The following TMC2 variants were observed in gnomAD, a reference collection of about 807,000 sequenced individuals.
TMC2 encodes the protein transmembrane channel-like protein 2.
Under a neutral mutation model 105.9 loss-of-function variants are expected in TMC2, and 102 were observed. That is an observed-to-expected ratio of 0.96 (90% CI 0.82 to 1.14). The LOEUF (loss-of-function observed/expected upper bound fraction) is 1.14, where lower values mean the gene tolerates loss of function less well. Ranked by LOEUF, TMC2 falls within the 50% of genes most tolerant of loss-of-function variation. The probability of loss-of-function intolerance (pLI) is 0.00; values close to 1 mark genes in which losing one functional copy is unlikely to be tolerated. For missense variants in TMC2, 1,093 were observed against 1,134.3 expected (o/e 0.96, Z 0.52); for synonymous variants, 402 against 422.8 (o/e 0.95, Z 0.60).
chr20:2,641,001 G>A (rs1600147160), intron 19 of TMC2, 133 bp from the exon 20 acceptor site: 1 of 741,648 alleles, frequency 1.3e-6, no homozygotes, highest in East Asian at 2.5e-5. Flanking sequence ...AGACAGCTGA[G>A]TGCAATCCGA....
At chr20:2,563,690 T>C (rs149283668) in intron 4 of TMC2, among the ~76,000 whole-genome samples, 369 of 152,304 alleles carry the variant, frequency 2.4e-3, no homozygotes, top group Middle Eastern at 0.01. Flanking sequence ...CAATTCATAA[T>C]GTATGCATAT....
chr20:2,554,342 T>A (rs1294342191), intron 2 of TMC2, among the ~76,000 whole-genome samples: 2 of 152,222 alleles, frequency 1.3e-5, no homozygotes, highest in Non-Finnish European at 2.9e-5. Flanking sequence ...CCTTTGTTCT[T>A]GGTTAGCCTG....
chr20:2,634,155 A>C (rs1454106996), intron 17 of TMC2, among the ~76,000 whole-genome samples: 1 of 152,170 alleles, frequency 6.6e-6, no homozygotes, highest in South Asian at 2.1e-4. Flanking sequence ...CTTCAGCTAC[A>C]GGATAGTCTG....
chr20:2,572,160 T>A lies in TMC2; in HGVS notation c.555-19T>A, dbSNP rs558478193. 7,575 of 1,299,506 alleles carry A rather than the reference T, an allele frequency of 5.8e-3. 1 individual carries two copies. The highest frequency in any genetic ancestry group is 8.2e-3 in the Admixed American group (385 of 47,114). 80.5% of individuals were successfully genotyped at this position (1,299,506 alleles called of 1,614,324 possible). ...TAGGTGCTAACTGAAATCCTGCTTT[T>A]TTTTTTTTTTCTAAGCAGGGAGGCC... is the stretch of plus-strand genomic sequence containing the variant. On this transcript the variant is annotated intron_variant, in intron 4 of 19. Transcript: ENST00000358864.
chr20:2,600,986 G>GAAAAAAAAAAAAAAAAA (rs55710696), intron 10 of TMC2, among the ~76,000 whole-genome samples: 2 of 90,560 alleles, frequency 2.2e-5, no homozygotes, highest in African/African-American at 4.3e-5. Context: ...GACTGTCTCA[G>GAAAAAAAAAAAAAAAAA]AAAAAAAAAA....
chr20:2,542,493 G>C (rs2085896243), intron 2 of TMC2, among the ~76,000 whole-genome samples: 1 of 152,116 alleles, frequency 6.6e-6, no homozygotes, highest in Non-Finnish European at 1.5e-5. Flanking sequence ...CCTGCTTTTA[G>C]TCCAAAAGGG....
At chr20:2,567,367 G>A (rs1435848573) in intron 4 of TMC2, among the ~76,000 whole-genome samples, 1 of 152,126 alleles carries the variant, frequency 6.6e-6, no homozygotes, top group Non-Finnish European at 1.5e-5. Context: ...TGTCAGAGGA[G>A]GCCTGGTAAA....
chr20:2,551,899 G>A (rs2085958803), intron 2 of TMC2, among the ~76,000 whole-genome samples: 1 of 152,188 alleles, frequency 6.6e-6, no homozygotes, highest in Admixed American at 6.5e-5. Context: ...TGTGTATGAA[G>A]TAGAGCTTTA....
chr20:2,549,849 T>C (rs1340605724), intron 2 of TMC2, among the ~76,000 whole-genome samples: 2 of 152,164 alleles, frequency 1.3e-5, no homozygotes, highest in Non-Finnish European at 2.9e-5. Flanking sequence ...GACTTCATTT[T>C]TTAGAGCAGT....
chr20:2,556,070 A>G (rs549757632), intron 2 of TMC2, among the ~76,000 whole-genome samples: 1 of 150,698 alleles, frequency 6.6e-6, no homozygotes, highest in Non-Finnish European at 1.5e-5. Context: ...TTTAAAAAGA[A>G]GGATTTTATT....
At chr20:2,589,236 G>C (rs944010551) in intron 7 of TMC2, among the ~76,000 whole-genome samples, 1 of 144,382 alleles carries the variant, frequency 6.9e-6, no homozygotes, top group African/African-American at 2.6e-5. Context: ...TCAACTAAAA[G>C]CTTGGGCTTT....
chr20:2,608,133 A>AAG (rs1364060394), intron 11 of TMC2, among the ~76,000 whole-genome samples: 4 of 147,680 alleles, frequency 2.7e-5, no homozygotes, highest in African/African-American at 1.0e-4. Flanking sequence ...AAAAAAAAAA[A>AAG]AAAGAAAAAA....
chr20:2,566,660 T>C (rs1250350386), intron 4 of TMC2, among the ~76,000 whole-genome samples: 1 of 152,172 alleles, frequency 6.6e-6, no homozygotes, highest in Non-Finnish European at 1.5e-5. Context: ...ATGAAAACCC[T>C]GAATGCCATA....
chr20:2,578,486 G>A (rs2086163393), intron 5 of TMC2, among the ~76,000 whole-genome samples: 1 of 152,208 alleles, frequency 6.6e-6, no homozygotes, highest in African/African-American at 2.4e-5. Flanking sequence ...CCCTTGGAGA[G>A]TTGACAAAAC....
At chr20:2,537,974 G>A (rs1312772189) in intron 2 of TMC2, among the ~76,000 whole-genome samples, 6 of 152,084 alleles carry the variant, frequency 3.9e-5, no homozygotes, top group African/African-American at 7.2e-5. Context: ...CCCCACACTA[G>A]TAGGCAAGAA....
In TMC2 at chr20:2,602,825, C is replaced by T. The variant is rs545287719; in HGVS notation, c.1413+524C>T. On this transcript the variant is annotated intron_variant, in intron 11 of 19. Coordinates refer to ENST00000358864, the MANE Select transcript of TMC2 (RefSeq NM_080751.3). ...CTTTCGGGAATTTGACATCTGTGGT[C>T]GTTTGTGAAAATGGCTACAAATTCT... is the stretch of plus-strand genomic sequence containing the variant. Among the ~76,000 whole-genome samples, 3 of 152,322 alleles carry T rather than the reference C, an allele frequency of 2.0e-5. No homozygotes were observed. In the South Asian group the frequency reaches 6.2e-4, roughly 32 times the overall value.
At position 2,637,706 on chromosome 20, in the gene TMC2, T is replaced by C. The variant is rs866603718; in HGVS notation, c.2503+115T>C. 9 of 730,152 alleles carry C rather than the reference T, an allele frequency of 1.2e-5. No homozygotes were observed. The Middle Eastern group carries it at 7.4e-4, about 60-fold the overall frequency. The allele number at this position is 730,152 out of a possible 1,614,324, so 45.2% of individuals were successfully genotyped here. A position where few individuals can be genotyped will look rare whatever the true frequency, so the allele number is the denominator to read the frequency against. On this transcript the variant is annotated intron_variant, in intron 19 of 19. Transcript: ENST00000358864. ...GGGATTGAAATCAGAATCCTAACAATTATTAGCTTATGAAGTTGGGCAGGT... is the reference window on the plus strand; with the variant it reads ...GGGATTGAAATCAGAATCCTAACAACTATTAGCTTATGAAGTTGGGCAGGT...
In TMC2 at chr20:2,597,191, A is replaced by T; in HGVS notation, c.1117A>T (p.Ser373Cys). The T allele has an allele frequency of 6.2e-7, 1 of 1,614,132 alleles. No individual in the cohort carries two copies. The change falls in exon 10 of 20, where the codon AGT becomes TGT. Residue 373 changes from serine (S) to cysteine (C), a missense_variant. Physicochemically the swap from Ser to Cys is moderately radical, Grantham distance 112 (BLOSUM62 -1). Transcript: ENST00000358864. ...NTQGSTGEGE[S>C]DNFTFSFKMF... is the part of the protein sequence containing the mutation. ...CCAAGGAAGCACAGGCGAAGGGGAG[A>T]GTGACAACTTCACATTCAGCTTCAA...
rs757210701 is a variant in TMC2 at position 2,613,453 on chromosome 20, G to A, written c.1872+131G>A. 6 of 1,337,302 alleles carry A rather than the reference G, an allele frequency of 4.5e-6. No homozygotes were observed. The East Asian group carries it at 1.4e-4, about 32-fold the overall frequency. The allele number at this position is 1,337,302 out of a possible 1,614,324, so 82.8% of individuals were successfully genotyped here. The stretch of plus-strand genomic sequence containing the variant: ...ATGACGGTCTCTGCTCTGTAGAGTA[G>A]TAAAGTGTTTAATTTGTATTTCCTT... On this transcript the variant is annotated intron_variant, in intron 14 of 19. Coordinates refer to ENST00000358864, the MANE Select transcript of TMC2 (RefSeq NM_080751.3).
Sources: allele counts gnomAD v4.1 joint callset (sites outside exome capture counted in the v4.1 genomes callset), GRCh38; gene constraint gnomAD v4.1.1; transcripts MANE v1.5; gene names NCBI Gene and HGNC (gene_info 2026-07-23, HGNC 2026-07-21).